OR51B5: variants seen among roughly 807,000 people sequenced by gnomAD.
OR51B5 encodes the protein olfactory receptor 51B5.
For synonymous variants in OR51B5, 186 were observed against 144.8 expected (o/e 1.28, Z -2.04); for missense variants, 456 against 374.6 (o/e 1.22, Z -1.79).
intron 1 of OR51B5, among the ~76,000 whole-genome samples, chr11:5,372,168 A>G (rs757859971): frequency 2.6e-5 from 4 of 152,178 alleles, no homozygotes; most frequent in Admixed American, 2.0e-4. Context: ...GTTCATCTAT[A>G]TATAGATACC....
chr11:5,438,561 G>T (rs1459516958), intron 1 of OR51B5, among the ~76,000 whole-genome samples: 1 of 152,124 alleles, frequency 6.6e-6, no homozygotes, highest in African/African-American at 2.4e-5. Flanking sequence ...CAGAGTTTTA[G>T]CTTGGACTGC....
Position 5,475,743 on chromosome 11 carries a change from G to T in OR51B5, n.84+29826C>A, listed in dbSNP as rs573305582. On this transcript the variant is annotated intron_variant and non_coding_transcript_variant, in intron 1 of 4. Transcript: ENST00000415970. ...TTCTTTAATATATTCAAGGCACCCA[G>T]CATGATGTTTAGCAAATATTAGGCA... 2.0e-5 allele frequency among the ~76,000 whole-genome samples: 3 copies of T among 152,220 alleles called. No homozygotes were observed. The East Asian group carries it at 5.8e-4, about 29-fold the overall frequency.
At chr11:5,361,977 C>T (rs932401260) in intron 1 of OR51B5, among the ~76,000 whole-genome samples, 1 of 152,118 alleles carries the variant, frequency 6.6e-6, no homozygotes, top group Non-Finnish European at 1.5e-5. Flanking sequence ...TATAGACTAA[C>T]AGAAAGAAAA....
chr11:5,456,911 G>T (rs1850968308), intron 1 of OR51B5, among the ~76,000 whole-genome samples: 1 of 152,120 alleles, frequency 6.6e-6, no homozygotes, highest in South Asian at 2.1e-4. Context: ...GTATGGCACT[G>T]CCTACTTCTC....
In OR51B5 at chr11:5,371,542, A is replaced by C. The variant is rs57666779; in HGVS notation, n.85-24632T>G. ...CTCATTATATCCAAAGGGTTACATAAGTTTTAAGAGTGGAAATAACATGAA... is the reference window on the plus strand; with the variant it reads ...CTCATTATATCCAAAGGGTTACATACGTTTTAAGAGTGGAAATAACATGAA... On this transcript the variant is annotated intron_variant and non_coding_transcript_variant, in intron 1 of 4. Coordinates refer to the OR51B5 transcript ENST00000415970. Among the ~76,000 whole-genome samples, 640 of 152,270 alleles carry C rather than the reference A, an allele frequency of 4.2e-3. 7 individuals are homozygous for C. The highest frequency in any genetic ancestry group is 0.015 in the African/African-American group (611 of 41,540).
intron 1 of OR51B5, among the ~76,000 whole-genome samples, chr11:5,357,859 A>G (rs1287524177): frequency 1.3e-5 from 2 of 151,742 alleles, no homozygotes; most frequent in African/African-American, 4.8e-5. Flanking sequence ...GCTCAACTAC[A>G]TGGAAACCGA....
At chr11:5,476,543 T>C (rs1851309146) in intron 1 of OR51B5, among the ~76,000 whole-genome samples, 1 of 152,210 alleles carries the variant, frequency 6.6e-6, no homozygotes, top group Admixed American at 6.5e-5. Context: ...TGTGACTTGG[T>C]ATCTCTTAGG....
chr11:5,396,154 G>A (rs1849867048), intron 1 of OR51B5, among the ~76,000 whole-genome samples: 1 of 152,106 alleles, frequency 6.6e-6, no homozygotes, highest in South Asian at 2.1e-4. Flanking sequence ...AATGTGCCTA[G>A]GCTGCAAGAC....
chr11:5,356,100 C>T (rs1185476627), intron 1 of OR51B5, among the ~76,000 whole-genome samples: 1 of 152,126 alleles, frequency 6.6e-6, no homozygotes, highest in Non-Finnish European at 1.5e-5. Context: ...CAGCTCCTCA[C>T]CAGCAACGGT....
intron 1 of OR51B5, among the ~76,000 whole-genome samples, chr11:5,481,533 A>T (rs990833641): frequency 6.7e-6 from 1 of 149,052 alleles, no homozygotes. Context: ...AGAAGGAAAT[A>T]AAGGGTATTC....
At chr11:5,486,377 T>C (rs1445325405) in intron 1 of OR51B5, among the ~76,000 whole-genome samples, 1 of 151,398 alleles carries the variant, frequency 6.6e-6, no homozygotes, top group Non-Finnish European at 1.5e-5. Flanking sequence ...TGTTCATTGC[T>C]GTTACCCCAG....
At chr11:5,452,982 A>G (rs890606643) in intron 1 of OR51B5, among the ~76,000 whole-genome samples, 1 of 152,066 alleles carries the variant, frequency 6.6e-6, no homozygotes, top group Non-Finnish European at 1.5e-5. Flanking sequence ...AGCACACAAC[A>G]TGATACAAAA....
chr11:5,479,945 C>T (rs1312266380), intron 1 of OR51B5, among the ~76,000 whole-genome samples: 3 of 143,356 alleles, frequency 2.1e-5, no homozygotes, highest in African/African-American at 5.2e-5. Context: ...CAACATTAGA[C>T]AGATCAACGA....
At chr11:5,344,933 G>GA (rs1848967446), upstream of OR51B5, among the ~76,000 whole-genome samples, 2 of 152,170 alleles carry the variant, frequency 1.3e-5, no homozygotes, top group African/African-American at 4.8e-5. Context: ...CTGCACCTAT[G>GA]AGGAGGTCCC....
intron 1 of OR51B5, among the ~76,000 whole-genome samples, chr11:5,379,858 G>T (rs1318088310): frequency 6.6e-6 from 1 of 152,020 alleles, no homozygotes; most frequent in Non-Finnish European, 1.5e-5. Context: ...CTCTCATCAT[G>T]TGATCTCCTT....
At chr11:5,504,014 C>CGCTAAA (rs1403026073) in intron 1 of OR51B5, among the ~76,000 whole-genome samples, 3 of 151,974 alleles carry the variant, frequency 2.0e-5, no homozygotes, top group Non-Finnish European at 4.4e-5. Flanking sequence ...CTAATATCTG[C>CGCTAAA]GCTAAAGGAC....
At chr11:5,478,473 T>C (rs1312132921) in intron 1 of OR51B5, among the ~76,000 whole-genome samples, 1 of 151,864 alleles carries the variant, frequency 6.6e-6, no homozygotes, top group Non-Finnish European at 1.5e-5. Context: ...TCCAAAGGAA[T>C]GCAGTTCCTC....
intron 1 of OR51B5, chr11:5,441,529 G>A (rs750615169): frequency 6.3e-7 from 1 of 1,594,032 alleles, no homozygotes; most frequent in Non-Finnish European, 8.6e-7. Context: ...GGAGAATATA[G>A]ATAGGGAATG....
At chr11:5,460,140 G>A (rs574648812) in intron 1 of OR51B5, among the ~76,000 whole-genome samples, 1 of 152,218 alleles carries the variant, frequency 6.6e-6, no homozygotes, top group South Asian at 2.1e-4. Flanking sequence ...GCAAACTAAT[G>A]CAGAAACAGA....
Sources: gnomAD v4.1 joint callset for allele counts (sites outside exome capture counted in the v4.1 genomes callset) on GRCh38, gnomAD v4.1.1 for gene constraint, MANE v1.5 for transcripts, NCBI Gene and HGNC (gene_info 2026-07-23, HGNC 2026-07-21) for gene names.